TRMT11: variants seen among roughly 807,000 people sequenced by gnomAD.
The protein encoded by TRMT11 is tRNA methyltransferase 11.
TRMT11 carries 53 observed loss-of-function variants against 62.8 expected under a neutral mutation model. The ratio of observed to expected loss-of-function variants is 0.84; its 90% CI spans 0.68 to 1.06. The LOEUF (loss-of-function observed/expected upper bound fraction) is 1.06, where lower values mean the gene tolerates loss of function less well. Ranked by LOEUF, TRMT11 falls within the 50% of genes least tolerant of loss-of-function variation. The probability of loss-of-function intolerance (pLI) is 0.00; values close to 1 mark genes in which losing one functional copy is unlikely to be tolerated. For synonymous variants in TRMT11, 188 were observed against 190.3 expected, an observed-to-expected ratio of 0.99 and a Z score of 0.10; for missense variants, 556 against 553.4, an observed-to-expected ratio of 1.00 and a Z score of -0.05.
chr6:126,056,491 C>T (rs1776378128), intron 17 of TRMT11, among the ~76,000 whole-genome samples: 1 of 152,186 alleles, frequency 6.6e-6, no homozygotes, highest in Non-Finnish European at 1.5e-5. Flanking sequence ...GGTAGCCTCT[C>T]TTAGGTGCAT....
the TRMT11 span, among the ~76,000 whole-genome samples, chr6:126,269,878 G>T: frequency 6.6e-6 from 1 of 152,158 alleles, no homozygotes; most frequent in African/African-American, 2.4e-5. Flanking sequence ...TTTTCAGAAA[G>T]AAACATAAGG....
rs78154866 is a variant in TRMT11 at position 126,138,492 on chromosome 6, A to G, written c.*1823+22637A>G. ...TCTTTTCTGTCAACATTGCATATAG[A>G]TAATATTAATCATTTGAAGCACACA... On this transcript the variant is annotated intron_variant and NMD_transcript_variant, in intron 21 of 22. Coordinates refer to the TRMT11 transcript ENST00000648977. Among the ~76,000 whole-genome samples the G allele has an allele frequency of 8.5e-5, 13 of 152,128 alleles. No individual in the cohort carries two copies. The East Asian group carries it at 2.3e-3, about 27-fold the overall frequency.
chr6:126,244,045 G>T, the TRMT11 span, among the ~76,000 whole-genome samples: 2 of 152,010 alleles, frequency 1.3e-5, no homozygotes, highest in African/African-American at 4.8e-5. Flanking sequence ...CTTTAGAAAA[G>T]AAAGTTAAGG....
intron 17 of TRMT11, among the ~76,000 whole-genome samples, chr6:126,059,510 C>G (rs1283907475): frequency 6.6e-6 from 1 of 152,192 alleles, no homozygotes; most frequent in Admixed American, 6.5e-5. Context: ...GAGAGATTCA[C>G]TTAGCTGCAG....
At chr6:126,169,008 C>A (rs1778299661) in intron 21 of TRMT11, among the ~76,000 whole-genome samples, 1 of 152,168 alleles carries the variant, frequency 6.6e-6, no homozygotes, top group African/African-American at 2.4e-5. Flanking sequence ...CAAAATCAAA[C>A]CAAACAAACG....
intron 21 of TRMT11, among the ~76,000 whole-genome samples, chr6:126,142,630 A>C (rs1471226087): frequency 2.6e-5 from 4 of 152,164 alleles, no homozygotes; most frequent in African/African-American, 9.6e-5. Context: ...ACACATCAAC[A>C]TGAATGATAA....
chr6:126,030,361 G>C (rs1773968268), intron 12 of TRMT11, among the ~76,000 whole-genome samples: 1 of 152,116 alleles, frequency 6.6e-6, no homozygotes, highest in African/African-American at 2.4e-5. Context: ...ATTCAGCACT[G>C]TCATTTACAT....
At chr6:126,245,227 T>A in the TRMT11 span, among the ~76,000 whole-genome samples, 1 of 152,248 alleles carries the variant, frequency 6.6e-6, no homozygotes, top group African/African-American at 2.4e-5. Context: ...GAACTATTTT[T>A]GTGTTTAGTA....
chr6:126,233,637 T>C, the TRMT11 span, among the ~76,000 whole-genome samples: 7 of 152,062 alleles, frequency 4.6e-5, no homozygotes, highest in African/African-American at 1.7e-4. Flanking sequence ...GAATAGTTAT[T>C]ACAGTTTAAC....
At chr6:126,039,483 C>T (rs1042616857), downstream of TRMT11, among the ~76,000 whole-genome samples, 2 of 152,032 alleles carry the variant, frequency 1.3e-5, no homozygotes, top group African/African-American at 4.8e-5. Context: ...CATTCCTAAC[C>T]GTTGACTGTT....
At chr6:126,015,636 G>A (rs1462839854) in intron 11 of TRMT11, among the ~76,000 whole-genome samples, 1 of 152,144 alleles carries the variant, frequency 6.6e-6, no homozygotes, top group Non-Finnish European at 1.5e-5. Context: ...GATCCACCCT[G>A]CAAGTCTGGA....
At chr6:125,987,488 G>A (rs942956606) in intron 1 of TRMT11, among the ~76,000 whole-genome samples, 1 of 152,190 alleles carries the variant, frequency 6.6e-6, no homozygotes, top group Non-Finnish European at 1.5e-5. Context: ...GAGCTTGGAA[G>A]GGGGATTTAT....
At chr6:126,011,111 A>G (rs372729646) in intron 8 of TRMT11, 142 bp from the exon 9 acceptor site, 3 of 604,956 alleles carry the variant, frequency 5.0e-6, no homozygotes, top group East Asian at 5.7e-5. Context: ...ATTTACTTGT[A>G]TACATAAAAT....
the TRMT11 span, among the ~76,000 whole-genome samples, chr6:126,210,677 C>G: frequency 3.9e-5 from 6 of 152,176 alleles, no homozygotes; most frequent in African/African-American, 1.4e-4. Context: ...ATCTATTTGA[C>G]ATTTTCTCTT....
chr6:126,082,175 T>G (rs1363051409), intron 17 of TRMT11, among the ~76,000 whole-genome samples: 1 of 152,110 alleles, frequency 6.6e-6, no homozygotes, highest in Non-Finnish European at 1.5e-5. Context: ...TTAGAGACGG[T>G]CTTGCATATT....
At chr6:126,016,635 A>G (rs1769458316) in intron 11 of TRMT11, among the ~76,000 whole-genome samples, 1 of 152,120 alleles carries the variant, frequency 6.6e-6, no homozygotes. Context: ...TAGATGAGGG[A>G]AGATTTCCAA....
intron 17 of TRMT11, among the ~76,000 whole-genome samples, chr6:126,063,979 T>C (rs967617919): frequency 6.6e-6 from 1 of 152,158 alleles, no homozygotes; most frequent in Admixed American, 6.5e-5. Flanking sequence ...CAAGGCCATG[T>C]CACTGATGTT....
chr6:126,253,357 T>A, the TRMT11 span, among the ~76,000 whole-genome samples: 2 of 152,248 alleles, frequency 1.3e-5, no homozygotes, highest in Non-Finnish European at 2.9e-5. Flanking sequence ...TTCCTGAGGC[T>A]GTTTTGCAGT....
chr6:126,106,742 A>G (rs1410798087), intron 17 of TRMT11, among the ~76,000 whole-genome samples: 2 of 152,306 alleles, frequency 1.3e-5, no homozygotes, highest in East Asian at 1.9e-4. Context: ...CAAAGCAGCT[A>G]TCCATATAAA....
Sources: gnomAD v4.1 joint callset for allele counts (sites outside exome capture counted in the v4.1 genomes callset) on GRCh38, gnomAD v4.1.1 for gene constraint, MANE v1.5 for transcripts, NCBI Gene and HGNC (gene_info 2026-07-23, HGNC 2026-07-21) for gene names.